The following SLC35E2B variants were observed in gnomAD, a reference collection of about 807,000 sequenced individuals.
SLC35E2B encodes solute carrier family 35 member E2B.
A neutral mutation model predicts 32.4 loss-of-function variants in SLC35E2B; 18 were observed. That is an observed-to-expected ratio of 0.56 (90% CI 0.38 to 0.82). SLC35E2B has a LOEUF of 0.82. SLC35E2B is among the 40% of genes least tolerant of loss of function. The probability of loss-of-function intolerance (pLI) is 0.00; values close to 1 mark genes in which losing one functional copy is unlikely to be tolerated. For missense variants in SLC35E2B, 263 were observed against 469.5 expected (o/e 0.56, Z 4.06); for synonymous variants, 132 against 209.1 (o/e 0.63, Z 3.18).
At position 1,664,497 on chromosome 1, in the gene SLC35E2B, G is replaced by A. The variant is rs1164731432; in HGVS notation, c.*1285C>T. ...AGGCTGGCTGGCAACAGGCTGCACC[G>A]GGCATGGGAATCCGCCAGCTGCGAG... On this transcript the variant is annotated 3_prime_UTR_variant, in exon 10 of 10. Coordinates refer to ENST00000617444, the MANE Select transcript of SLC35E2B (RefSeq NM_001290264.2). The A allele has an allele frequency of 9.8e-6, 9 of 915,906 alleles. 3 individuals are homozygous for A. In the South Asian group the frequency reaches 2.4e-4, roughly 25 times the overall value. The allele number at this position is 915,906 out of a possible 1,614,324, so 56.7% of individuals were successfully genotyped here.
At chr1:1,681,645 T>C (rs1325267349) in intron 2 of SLC35E2B, among the ~76,000 whole-genome samples, 2 of 151,616 alleles carry the variant, frequency 1.3e-5, no homozygotes, top group Non-Finnish European at 2.9e-5. Flanking sequence ...CAGCTGGAAT[T>C]ATAGGCATGC....
At chr1:1,678,871 T>G (rs1319608869) in intron 2 of SLC35E2B, among the ~76,000 whole-genome samples, 2 of 152,154 alleles carry the variant, frequency 1.3e-5, no homozygotes, top group African/African-American at 4.8e-5. Flanking sequence ...TTTCCCGGAC[T>G]GATGGGCCCT....
Position 1,664,935 on chromosome 1 carries a change from G to C in SLC35E2B, c.*847C>G. On this transcript the variant is annotated 3_prime_UTR_variant, in exon 10 of 10. Transcript: ENST00000617444. ...CAGAACAGCCTGCCTCATACTCAGA[G>C]TCCAAAAAAGAAAAGGAACGTACAC... 2 of 951,558 alleles carry C rather than the reference G, an allele frequency of 2.1e-6. No homozygotes were observed. The highest frequency in any genetic ancestry group is 9.7e-5 in the South Asian group (2 of 20,544). 58.9% of individuals were successfully genotyped at this position (951,558 alleles called of 1,614,324 possible).
intron 2 of SLC35E2B, among the ~76,000 whole-genome samples, chr1:1,687,976 A>T (rs958408130): frequency 6.6e-6 from 1 of 151,876 alleles, no homozygotes; most frequent in African/African-American, 2.4e-5. Flanking sequence ...AAAATGACTG[A>T]CTCTCGGGCT....
At position 1,665,833 on chromosome 1, in the gene SLC35E2B, T is replaced by C; in HGVS notation, c.1167A>G (p.Pro389=). 1.3e-6 allele frequency: 2 copies of C among 1,550,930 alleles called. No homozygotes were observed. The highest frequency in any genetic ancestry group is 1.7e-4 in the Middle Eastern group (1 of 5,968). Reference sequence around the variant, plus strand: ...GAAGCAGCGGCTCCACTGTGTCGTCTGGGGCCCGGCCAGTGGCTGCAGCCA... The same window carrying C: ...GAAGCAGCGGCTCCACTGTGTCGTCCGGGGCCCGGCCAGTGGCTGCAGCCA... The part of the protein sequence containing the change: ...QSLAAATGRA[P]DDTVEPLLPQ... The change falls in exon 10 of 10, where the codon CCA becomes CCG. Residue 389 remains proline, a synonymous_variant. Coordinates refer to ENST00000617444, the MANE Select transcript of SLC35E2B (RefSeq NM_001290264.2).
chr1:1,680,728 C>A (rs892213660), intron 2 of SLC35E2B, among the ~76,000 whole-genome samples: 3 of 152,018 alleles, frequency 2.0e-5, no homozygotes, highest in African/African-American at 7.3e-5. Flanking sequence ...TCCAAGGCCG[C>A]AGGAGGAGGC....
intron 7 of SLC35E2B, 73 bp from the exon 8 acceptor site, chr1:1,669,809 A>G: frequency 1.4e-6 from 2 of 1,452,486 alleles, no homozygotes; most frequent in Middle Eastern, 1.9e-4. Flanking sequence ...CCTCACAGCA[A>G]GAACACCCAG....
Position 1,665,045 on chromosome 1 carries a change from G to A in SLC35E2B, c.*737C>T, listed in dbSNP as rs1044450542. On this transcript the variant is annotated 3_prime_UTR_variant, in exon 10 of 10. Coordinates refer to ENST00000617444, the MANE Select transcript of SLC35E2B (RefSeq NM_001290264.2). ...CAGGTAGGAGGGCAGGGTGCCCTGGGGTTGCGGGGAGCTCACGCAGCCCAG... is the reference window on the plus strand; with the variant it reads ...CAGGTAGGAGGGCAGGGTGCCCTGGAGTTGCGGGGAGCTCACGCAGCCCAG... 1.1e-6 allele frequency: 1 copy of A among 880,742 alleles called. No individual in the cohort carries two copies. 54.6% of individuals were successfully genotyped at this position (880,742 alleles called of 1,614,324 possible).
At chr1:1,670,216 G>C in intron 6 of SLC35E2B, 65 bp from the exon 7 acceptor site, 4 of 1,211,984 alleles carry the variant, frequency 3.3e-6, no homozygotes, top group Non-Finnish European at 4.7e-6. Flanking sequence ...AGGGGGAGAA[G>C]GTGTCTGCGC....
At chr1:1,690,264 GAACAA>G (rs1229227532) in intron 2 of SLC35E2B, among the ~76,000 whole-genome samples, 1 of 66,668 alleles carries the variant, frequency 1.5e-5, no homozygotes, top group African/African-American at 5.8e-5. Flanking sequence ...TGGGCAATAA[GAACAA>G]AACTCTGTCT....
At chr1:1,681,892 G>C (rs1484661917) in intron 2 of SLC35E2B, among the ~76,000 whole-genome samples, 1 of 149,704 alleles carries the variant, frequency 6.7e-6, no homozygotes, top group Non-Finnish European at 1.5e-5. Context: ...GGCTGAGGCA[G>C]GAGAACGGTG....
chr1:1,671,693 A>G, intron 5 of SLC35E2B, 64 bp from the exon 6 acceptor site: 38 of 1,405,626 alleles, frequency 2.7e-5, no homozygotes, highest in Non-Finnish European at 3.6e-5. Context: ...CCCGAGGGCC[A>G]GGCTGTTTCC....
At chr1:1,666,203 G>C (rs948708821) in intron 9 of SLC35E2B, among the ~76,000 whole-genome samples, 184 bp from the exon 10 acceptor site, 1 of 152,282 alleles carries the variant, frequency 6.6e-6, no homozygotes, top group Middle Eastern at 3.4e-3. Flanking sequence ...GATGGGGCGG[G>C]GGTGCTCAAC....
rs1643879383 is a variant in SLC35E2B at position 1,679,252 on chromosome 1, T to C, written c.-147-2406A>G. On this transcript the variant is annotated intron_variant, in intron 2 of 9. Coordinates refer to ENST00000617444, the MANE Select transcript of SLC35E2B (RefSeq NM_001290264.2). ...CAGACGACGCCAGTCACGTCCCACC[T>C]GACGTCGAGGCAAACCTGGAATTCA... 3.9e-5 allele frequency among the ~76,000 whole-genome samples: 6 copies of C among 152,174 alleles called. No homozygotes were observed. In the South Asian group the frequency reaches 1.2e-3, roughly 31 times the overall value.
intron 2 of SLC35E2B, among the ~76,000 whole-genome samples, chr1:1,688,011 C>T (rs971026339): frequency 6.6e-6 from 1 of 152,038 alleles, no homozygotes; most frequent in Admixed American, 6.6e-5. Flanking sequence ...ACCAGAGGAG[C>T]GGTCATGTTG....
intron 7 of SLC35E2B, 170 bp from the exon 8 acceptor site, chr1:1,669,906 G>C: frequency 2.3e-6 from 2 of 860,942 alleles, no homozygotes; most frequent in Non-Finnish European, 3.8e-6. Context: ...ACGCACACCA[G>C]GCTGGCTGAG....
intron 2 of SLC35E2B, among the ~76,000 whole-genome samples, chr1:1,679,049 G>C (rs962914218): frequency 5.3e-5 from 8 of 152,130 alleles, no homozygotes; most frequent in Non-Finnish European, 1.0e-4. Flanking sequence ...CACGGCCCTT[G>C]ACCTCTCCCT....
intron 2 of SLC35E2B, among the ~76,000 whole-genome samples, chr1:1,683,931 G>GAGTCCT (rs1643922088): frequency 6.6e-6 from 1 of 152,182 alleles, no homozygotes; most frequent in African/African-American, 2.4e-5. Context: ...TCCTCCAGGT[G>GAGTCCT]CAGGTGCCTG....
In SLC35E2B at chr1:1,669,678, G is replaced by A. The variant is rs1283615430; in HGVS notation, c.820C>T (p.Arg274Trp). ...CTGAAACCCACCGTAAAGAAAACCCGGGCCGGGACGAGCATGGCCACCGCA... is the reference window on the plus strand; with the variant it reads ...CTGAAACCCACCGTAAAGAAAACCCAGGCCGGGACGAGCATGGCCACCGCA... The part of the protein sequence containing the change: ...AAAVAMLVPA[R>W]VFFTDVPVIG... The change falls in exon 8 of 10, where the codon CGG becomes TGG. Residue 274 changes from arginine (R) to tryptophan (W), a missense_variant. Arg to Trp is a moderately radical substitution (Grantham distance 101). Coordinates refer to ENST00000617444, the MANE Select transcript of SLC35E2B (RefSeq NM_001290264.2). 49 of 1,527,464 alleles carry A rather than the reference G, an allele frequency of 3.2e-5. No individual in the cohort carries two copies. The highest frequency in any genetic ancestry group is 2.3e-4 in the Middle Eastern group (1 of 4,336). The allele number at this position is 1,527,464 out of a possible 1,614,324, so 94.6% of individuals were successfully genotyped here.
Sources: gnomAD v4.1 joint callset for allele counts (sites outside exome capture counted in the v4.1 genomes callset) on GRCh38, gnomAD v4.1.1 for gene constraint, MANE v1.5 for transcripts, NCBI Gene and HGNC (gene_info 2026-07-23, HGNC 2026-07-21) for gene names.